GOLPH3L: variants seen among roughly 807,000 people sequenced by gnomAD.
GOLPH3L encodes the protein Golgi phosphoprotein 3-like.
A neutral mutation model predicts 30.3 loss-of-function variants in GOLPH3L; 22 were observed. The ratio of observed to expected loss-of-function variants is 0.73; its 90% CI spans 0.52 to 1.04. The LOEUF (loss-of-function observed/expected upper bound fraction) is 1.04, where lower values mean the gene tolerates loss of function less well. Ranked by LOEUF, GOLPH3L falls within the 50% of genes least tolerant of loss-of-function variation. GOLPH3L has a pLI of 0.00. For synonymous variants in GOLPH3L, 120 were observed against 128.2 expected (o/e 0.94, Z 0.43); for missense variants, 303 against 345.8 (o/e 0.88, Z 0.98).
chr1:150,665,658 T>G (rs1227792285), intron 2 of GOLPH3L, among the ~76,000 whole-genome samples: 1 of 152,138 alleles, frequency 6.6e-6, no homozygotes, highest in African/African-American at 2.4e-5. Context: ...CTCTTTTAGT[T>G]GTCCAGTATT....
intron 2 of GOLPH3L, among the ~76,000 whole-genome samples, chr1:150,685,785 T>C (rs907617145): frequency 1.3e-5 from 2 of 151,716 alleles, no homozygotes; most frequent in African/African-American, 2.4e-5. Context: ...ATTATTTGGG[T>C]CACACTAAAC....
chr1:150,680,914 C>T (rs965270210), intron 2 of GOLPH3L, among the ~76,000 whole-genome samples: 8 of 152,012 alleles, frequency 5.3e-5, no homozygotes, highest in Non-Finnish European at 8.8e-5. Flanking sequence ...TTTGGGAAGC[C>T]GAGGCACCTG....
chr1:150,682,324 C>A (rs774032511), intron 2 of GOLPH3L, among the ~76,000 whole-genome samples: 9 of 151,796 alleles, frequency 5.9e-5, no homozygotes, highest in Non-Finnish European at 1.2e-4. Context: ...CTTCTATCAT[C>A]CCAGTAAGTG....
intron 3 of GOLPH3L, among the ~76,000 whole-genome samples, chr1:150,663,315 C>T (rs1295770676): frequency 6.6e-6 from 1 of 152,106 alleles, no homozygotes; most frequent in Non-Finnish European, 1.5e-5. Flanking sequence ...GCTGGGATTA[C>T]AAGCGTGAGC....
chr1:150,658,705 G>A (rs1031878795), intron 4 of GOLPH3L, among the ~76,000 whole-genome samples: 13 of 152,182 alleles, frequency 8.5e-5, no homozygotes, highest in African/African-American at 3.1e-4. Flanking sequence ...GCCACACTAT[G>A]TTCAGCTGGT....
At chr1:150,694,584 A>G in intron 2 of GOLPH3L, 72 bp downstream of exon 2, 4 of 906,182 alleles carry the variant, frequency 4.4e-6, no homozygotes, top group Non-Finnish European at 6.7e-6. Context: ...AATATATTCC[A>G]TTAGGTTACT....
chr1:150,655,950 G>A (rs1319914341), intron 4 of GOLPH3L, among the ~76,000 whole-genome samples: 1 of 152,198 alleles, frequency 6.6e-6, no homozygotes, highest in Non-Finnish European at 1.5e-5. Flanking sequence ...GACTGTGAAT[G>A]GTTTGCATTT....
intron 2 of GOLPH3L, among the ~76,000 whole-genome samples, chr1:150,693,331 C>T (rs2101823340): frequency 6.6e-6 from 1 of 152,280 alleles, no homozygotes; most frequent in Admixed American, 6.5e-5. Context: ...AGAGCTGTTA[C>T]TACTTGTATG....
chr1:150,658,497 T>C (rs1002410009), intron 4 of GOLPH3L, among the ~76,000 whole-genome samples: 1 of 152,216 alleles, frequency 6.6e-6, no homozygotes, highest in Non-Finnish European at 1.5e-5. Flanking sequence ...TCTGCTCCTA[T>C]AGTTGAGGCA....
chr1:150,694,531 T>C, intron 2 of GOLPH3L, 125 bp downstream of exon 2: 1 of 589,958 alleles, frequency 1.7e-6, no homozygotes, highest in Non-Finnish European at 2.8e-6. Context: ...CTCCTCCATC[T>C]TCCAGATGGT....
At chr1:150,695,977 GAT>G (rs1227403662) in intron 1 of GOLPH3L, among the ~76,000 whole-genome samples, 1 of 151,948 alleles carries the variant, frequency 6.6e-6, no homozygotes, top group African/African-American at 2.4e-5. Flanking sequence ...AATCATTTGT[GAT>G]AAAGTTTATA....
At chr1:150,671,806 CAAAAAAA>C (rs397793655) in intron 2 of GOLPH3L, among the ~76,000 whole-genome samples, 4 of 47,176 alleles carry the variant, frequency 8.5e-5, no homozygotes, top group South Asian at 2.0e-3. Context: ...AACTCCGTCT[CAAAAAAA>C]AAAAAAAAAA....
chr1:150,664,024 G>T (rs1650436052), intron 2 of GOLPH3L, among the ~76,000 whole-genome samples: 1 of 151,544 alleles, frequency 6.6e-6, no homozygotes, highest in Non-Finnish European at 1.5e-5. Flanking sequence ...TTTGAGACAG[G>T]GTCTCGCTTT....
At chr1:150,683,104 T>C (rs1351540289) in intron 2 of GOLPH3L, among the ~76,000 whole-genome samples, 1 of 152,146 alleles carries the variant, frequency 6.6e-6, no homozygotes, top group African/African-American at 2.4e-5. Flanking sequence ...GTGCCTTGCA[T>C]CAAGGAGGTA....
intron 2 of GOLPH3L, among the ~76,000 whole-genome samples, chr1:150,679,138 CTTA>C (rs1421665268): frequency 6.6e-6 from 1 of 151,986 alleles, no homozygotes; most frequent in Non-Finnish European, 1.5e-5. Flanking sequence ...TTAAATCTTT[CTTA>C]TGAGTGAAAA....
rs1249100404 is a variant in GOLPH3L at position 150,663,625 on chromosome 1, T to C, written c.315+7A>G. 1 of 1,609,110 alleles carries C rather than the reference T, an allele frequency of 6.2e-7. No homozygotes were observed. Among genetic ancestry groups the C allele is most frequent in the Non-Finnish European group, 8.5e-7 (1 of 1,176,466 alleles). On this transcript the variant is annotated splice_region_variant and intron_variant, in intron 3 of 4. Transcript: ENST00000271732. ...TAAGCCATGGACGTTCACAGAGGAT[T>C]CAGTACCTTTCTGTCTAGTAGTCGC... is the stretch of plus-strand genomic sequence containing the variant.
intron 2 of GOLPH3L, among the ~76,000 whole-genome samples, chr1:150,687,837 A>G (rs1651122750): frequency 6.6e-6 from 1 of 152,222 alleles, no homozygotes; most frequent in Non-Finnish European, 1.5e-5. Flanking sequence ...GAATTTTAGC[A>G]GCACTGTTCA....
chr1:150,646,581 T>C lies in GOLPH3L; in HGVS notation c.*1740A>G, dbSNP rs1047840159. ...AGAGACTGTTTCCTATTACAATTTA[T>C]ATCTCTATTTGCCTAAGAGATACCT... On this transcript the variant is annotated 3_prime_UTR_variant, in exon 5 of 5. Transcript: ENST00000271732. 6.6e-6 allele frequency: 1 copy of C among 152,220 alleles called. No individual in the cohort carries two copies. The highest frequency in any genetic ancestry group is 2.4e-5 in the African/African-American group (1 of 41,462). 9.4% of individuals were successfully genotyped at this position (152,220 alleles called of 1,614,324 possible). A position where few individuals can be genotyped will look rare whatever the true frequency, so the allele number is the denominator to read the frequency against.
chr1:150,685,145 A>G (rs1651052119), intron 2 of GOLPH3L, among the ~76,000 whole-genome samples: 1 of 152,204 alleles, frequency 6.6e-6, no homozygotes, highest in Non-Finnish European at 1.5e-5. Flanking sequence ...CCTCCTTAAT[A>G]TTTGAGGCAA....
Sources: allele counts gnomAD v4.1 joint callset (sites outside exome capture counted in the v4.1 genomes callset), GRCh38; gene constraint gnomAD v4.1.1; transcripts MANE v1.5; gene names NCBI Gene and HGNC (gene_info 2026-07-23, HGNC 2026-07-21).